The following COBL variants were observed in gnomAD, a reference collection of about 807,000 sequenced individuals.
COBL encodes cordon-bleu WH2 repeat protein.
Under a neutral mutation model 98.8 loss-of-function variants are expected in COBL, and 51 were observed. That is an observed-to-expected ratio of 0.52 (90% CI 0.41 to 0.65). COBL has a LOEUF of 0.65. COBL is among the 30% of genes least tolerant of loss of function. COBL has a pLI of 0.00. For synonymous variants in COBL, 634 were observed against 651.7 expected (o/e 0.97, Z 0.41); for missense variants, 1,617 against 1,617.5 (o/e 1.00, Z 0.01).
At chr7:51,087,426 T>G (rs962595862) in intron 6 of COBL, among the ~76,000 whole-genome samples, 7 of 152,200 alleles carry the variant, frequency 4.6e-5, no homozygotes, top group African/African-American at 1.7e-4. Context: ...TCCTGGAAAT[T>G]CCCATTCCCT....
intron 1 of COBL, among the ~76,000 whole-genome samples, chr7:51,266,959 G>A (rs760801382): frequency 6.6e-6 from 1 of 151,952 alleles, no homozygotes; most frequent in Non-Finnish European, 1.5e-5. Context: ...AATAACATAC[G>A]ATTACAAATA....
At chr7:51,293,127 G>A (rs1563135372) in intron 1 of COBL, among the ~76,000 whole-genome samples, 1 of 152,156 alleles carries the variant, frequency 6.6e-6, no homozygotes, top group African/African-American at 2.4e-5. Flanking sequence ...AAAACAGCCT[G>A]GCATTTTTGT....
intron 3 of COBL, among the ~76,000 whole-genome samples, chr7:51,192,562 C>T (rs1221336434): frequency 2.6e-5 from 4 of 152,160 alleles, no homozygotes; most frequent in African/African-American, 9.7e-5. Context: ...GCCAAGATCA[C>T]ACCACTGCAT....
intron 6 of COBL, among the ~76,000 whole-genome samples, chr7:51,128,986 C>T (rs1464032122): frequency 2.0e-5 from 3 of 152,244 alleles, no homozygotes; most frequent in South Asian, 4.1e-4. Flanking sequence ...GGCCCATTTA[C>T]AACTCTTTTT....
chr7:51,252,228 T>A (rs1489322151), intron 1 of COBL, among the ~76,000 whole-genome samples: 1 of 152,194 alleles, frequency 6.6e-6, no homozygotes, highest in Non-Finnish European at 1.5e-5. Flanking sequence ...CACCATATAA[T>A]TTGCCCATTT....
chr7:51,230,946 C>T (rs1345465957), intron 1 of COBL, among the ~76,000 whole-genome samples: 2 of 152,108 alleles, frequency 1.3e-5, no homozygotes, highest in African/African-American at 4.8e-5. Flanking sequence ...TAGAAGTGTC[C>T]CACAATGGCA....
intron 5 of COBL, among the ~76,000 whole-genome samples, chr7:51,169,124 G>A (rs1787610773): frequency 6.6e-6 from 1 of 152,104 alleles, no homozygotes. Context: ...GCTACCCGGA[G>A]GCTTCATCTG....
intron 6 of COBL, among the ~76,000 whole-genome samples, chr7:51,092,029 G>A (rs189567633): frequency 1.3e-4 from 20 of 152,340 alleles, no homozygotes; most frequent in Admixed American, 1.2e-3. Flanking sequence ...TGCACAGCAA[G>A]AGGTGAGTGG....
chr7:51,301,194 T>C (rs1271482054), intron 1 of COBL, among the ~76,000 whole-genome samples: 1 of 152,180 alleles, frequency 6.6e-6, no homozygotes, highest in Non-Finnish European at 1.5e-5. Context: ...TGGGGCTCCC[T>C]GGCAGATCTG....
At chr7:51,290,154 C>T (rs1323309329) in intron 1 of COBL, among the ~76,000 whole-genome samples, 1 of 152,156 alleles carries the variant, frequency 6.6e-6, no homozygotes, top group African/African-American at 2.4e-5. Flanking sequence ...AAGATCAACA[C>T]TTGGACTTGA....
chr7:51,042,454 G>T (rs1367386617), intron 8 of COBL, among the ~76,000 whole-genome samples: 3 of 152,070 alleles, frequency 2.0e-5, no homozygotes, highest in African/African-American at 7.2e-5. Flanking sequence ...TCACCTCCTG[G>T]GCTCAAGCAA....
rs190547412 is a variant in COBL at position 51,266,416 on chromosome 7, T to C, written c.42-46472A>G. Reference sequence around the variant, plus strand: ...CAACATGGAGAAACCCCATCTCTACTAAAAATACAAAATTAGCTGGGCATG... The same window carrying C: ...CAACATGGAGAAACCCCATCTCTACCAAAAATACAAAATTAGCTGGGCATG... On this transcript the variant is annotated intron_variant, in intron 1 of 12. Transcript: ENST00000265136. Among the ~76,000 whole-genome samples, 21 of 152,222 alleles carry C rather than the reference T, an allele frequency of 1.4e-4. No homozygotes were observed. The East Asian group carries it at 4.1e-3, about 29-fold the overall frequency.
At chr7:51,147,753 C>CT (rs565075669) in intron 5 of COBL, among the ~76,000 whole-genome samples, 1,538 of 140,536 alleles carry the variant, frequency 0.011, 27 homozygotes, top group African/African-American at 0.031. Context: ...TTTTTCTTTT[C>CT]TTTTTTTTTT....
chr7:51,273,512 T>C (rs997884646), intron 1 of COBL, among the ~76,000 whole-genome samples: 1 of 152,180 alleles, frequency 6.6e-6, no homozygotes, highest in Non-Finnish European at 1.5e-5. Flanking sequence ...TGCAGTGACA[T>C]TCCTAAGGAA....
intron 5 of COBL, among the ~76,000 whole-genome samples, chr7:51,177,335 T>C (rs997256352): frequency 6.6e-5 from 10 of 152,164 alleles, no homozygotes; most frequent in African/African-American, 2.4e-4. Context: ...ATAATTAAAA[T>C]TGCTTACTTC....
intron 2 of COBL, among the ~76,000 whole-genome samples, chr7:51,207,760 G>A (rs1791901178): frequency 6.6e-6 from 1 of 152,262 alleles, no homozygotes; most frequent in Non-Finnish European, 1.5e-5. Context: ...GGAGTGCAGT[G>A]ACGTGATCTC....
chr7:51,079,722 C>T (rs1039781551), intron 7 of COBL, among the ~76,000 whole-genome samples: 6 of 152,190 alleles, frequency 3.9e-5, no homozygotes, highest in East Asian at 1.9e-4. Context: ...TGAGCAGGCA[C>T]GCAGCTCAGA....
chr7:51,314,477 A>C (rs530200073), intron 1 of COBL, among the ~76,000 whole-genome samples: 2 of 152,378 alleles, frequency 1.3e-5, no homozygotes, highest in East Asian at 3.9e-4. Context: ...AAAGCCACAA[A>C]TTTCACAGCA....
At position 51,136,267 on chromosome 7, in the gene COBL, A is replaced by G. The variant is rs1162456522; in HGVS notation, c.848T>C (p.Leu283Pro). 1 of 1,614,064 alleles carries G rather than the reference A, an allele frequency of 6.2e-7. No homozygotes were observed. Among genetic ancestry groups the G allele is most frequent in the Admixed American group, 1.7e-5 (1 of 60,024 alleles). The change falls in exon 6 of 13, where the codon CTC becomes CCC. Residue 283 changes from leucine (L) to proline (P), a missense_variant. Leu to Pro is a moderately conservative substitution (Grantham distance 98). Transcript: ENST00000265136. The part of the protein sequence containing the change: ...HSRSLTLGPS[L>P]SLGSISGVSV... ...CACCCCTGAGATGCTGCCCAGCGAG[A>G]GGGATGGACCCAGCGTAAGAGAACG...
Sources: gnomAD v4.1 joint callset for allele counts (sites outside exome capture counted in the v4.1 genomes callset) on GRCh38, gnomAD v4.1.1 for gene constraint, MANE v1.5 for transcripts, NCBI Gene and HGNC (gene_info 2026-07-23, HGNC 2026-07-21) for gene names.